Variants in SND1 observed in about 807,000 individuals in gnomAD.
SND1 encodes the protein staphylococcal nuclease and tudor domain containing 1, also known as staphylococcal nuclease domain-containing protein 1.
A neutral mutation model predicts 121.7 loss-of-function variants in SND1; 38 were observed. The ratio of observed to expected loss-of-function variants is 0.31; its 90% CI spans 0.24 to 0.41. The LOEUF (loss-of-function observed/expected upper bound fraction) is 0.41, where lower values mean the gene tolerates loss of function less well. Ranked by LOEUF, SND1 falls within the 10% of genes least tolerant of loss-of-function variation. The probability of loss-of-function intolerance (pLI) is 1.00; values close to 1 mark genes in which losing one functional copy is unlikely to be tolerated. For synonymous variants in SND1, 401 were observed against 447.4 expected (o/e 0.90, Z 1.31); for missense variants, 868 against 1,184.6 (o/e 0.73, Z 3.92).
chr7:128,007,495 T>C (rs1400927873), intron 16 of SND1, among the ~76,000 whole-genome samples: 2 of 152,206 alleles, frequency 1.3e-5, no homozygotes, highest in Non-Finnish European at 2.9e-5. Context: ...CAAATAGTCC[T>C]GCTCCACTGG....
At chr7:127,860,446 C>A (rs1006328064) in intron 12 of SND1, among the ~76,000 whole-genome samples, 1 of 152,196 alleles carries the variant, frequency 6.6e-6, no homozygotes, top group Non-Finnish European at 1.5e-5. Flanking sequence ...TTAATGTAAT[C>A]AGACTTTACC....
intron 1 of SND1, among the ~76,000 whole-genome samples, chr7:127,680,931 C>T (rs1272959954): frequency 6.6e-6 from 1 of 152,010 alleles, no homozygotes; most frequent in African/African-American, 2.4e-5. Flanking sequence ...AATTTGGGAA[C>T]TAATAAATGT....
At chr7:128,009,741 C>T (rs76143034) in intron 16 of SND1, among the ~76,000 whole-genome samples, 2,923 of 152,180 alleles carry the variant, frequency 0.019, 53 homozygotes, top group Non-Finnish European at 0.028. Context: ...TCTGCACCTT[C>T]CCCCATGCCA....
chr7:128,030,691 G>T, intron 16 of SND1: 1 of 1,524,030 alleles, frequency 6.6e-7, no homozygotes, highest in South Asian at 1.3e-5. Context: ...GCTCGGAAAG[G>T]AGAACCAGCC....
Position 128,092,531 on chromosome 7 carries a change from C to G in SND1, c.*473C>G. The stretch of plus-strand genomic sequence containing the variant: ...ATGCCAGTGTGTTCACATCTTCGCT[C>G]TGGCCAGCCCATTCTGTATTTAAAG... On this transcript the variant is annotated 3_prime_UTR_variant, in exon 24 of 24. Coordinates refer to ENST00000354725, the MANE Select transcript of SND1 (RefSeq NM_014390.4). The surrounding 1 kb of genome is among the most constrained non-coding windows in gnomAD (Gnocchi z 4.9). 5.9e-6 allele frequency: 1 copy of G among 170,124 alleles called. No homozygotes were observed. The highest frequency in any genetic ancestry group is 1.3e-5 in the Non-Finnish European group (1 of 77,796). 10.5% of individuals were successfully genotyped at this position (170,124 alleles called of 1,614,324 possible). A position where few individuals can be genotyped will look rare whatever the true frequency, so the allele number is the denominator to read the frequency against.
intron 15 of SND1, among the ~76,000 whole-genome samples, chr7:127,952,617 G>A (rs1163198933): frequency 1.3e-5 from 2 of 152,140 alleles, no homozygotes; most frequent in Admixed American, 6.5e-5. Flanking sequence ...AGCTGTGTTC[G>A]ATTTTATGGC....
chr7:127,669,046 G>T (rs538176439), intron 1 of SND1, among the ~76,000 whole-genome samples: 1 of 152,098 alleles, frequency 6.6e-6, no homozygotes, highest in Non-Finnish European at 1.5e-5. Flanking sequence ...AGGCTGGAGT[G>T]CAGTGGCTTA....
chr7:127,962,428 A>AAG (rs1466565882), intron 15 of SND1, among the ~76,000 whole-genome samples: 1 of 152,188 alleles, frequency 6.6e-6, no homozygotes, highest in African/African-American at 2.4e-5. Context: ...TCTTTGGCAA[A>AAG]ATGTGTTATC....
At chr7:127,810,385 C>T (rs1316541115) in intron 11 of SND1, among the ~76,000 whole-genome samples, 3 of 152,110 alleles carry the variant, frequency 2.0e-5, no homozygotes, top group Non-Finnish European at 4.4e-5. Flanking sequence ...GAAACTCCCT[C>T]AATTGCCATA....
intron 7 of SND1, among the ~76,000 whole-genome samples, chr7:127,703,738 T>C (rs552466939): frequency 6.6e-6 from 1 of 152,304 alleles, no homozygotes; most frequent in Admixed American, 6.5e-5. Context: ...AGGATTATTA[T>C]TAATATCTGC....
At chr7:128,064,220 A>AC (rs1368287475) in intron 16 of SND1, among the ~76,000 whole-genome samples, 2 of 152,052 alleles carry the variant, frequency 1.3e-5, no homozygotes, top group Non-Finnish European at 2.9e-5. Context: ...TTAAAAAAAA[A>AC]CCCACTCTAG....
intron 12 of SND1, among the ~76,000 whole-genome samples, chr7:127,885,039 C>A (rs1276820094): frequency 6.6e-6 from 1 of 152,030 alleles, no homozygotes; most frequent in African/African-American, 2.4e-5. Flanking sequence ...ATGTTTGCAC[C>A]CAGGTTGAAC....
chr7:128,003,741 C>G (rs952743930), intron 16 of SND1, among the ~76,000 whole-genome samples: 1 of 152,236 alleles, frequency 6.6e-6, no homozygotes, highest in East Asian at 1.9e-4. Flanking sequence ...CCACCTGCCA[C>G]TTGGTAATTT....
intron 1 of SND1, among the ~76,000 whole-genome samples, chr7:127,670,899 A>T (rs901738544): frequency 2.0e-5 from 3 of 152,002 alleles, no homozygotes; most frequent in South Asian, 4.1e-4. Flanking sequence ...AAAACCCAAG[A>T]TCTTTTTTGG....
chr7:127,812,193 C>T (rs1798346527), intron 11 of SND1, among the ~76,000 whole-genome samples: 1 of 152,176 alleles, frequency 6.6e-6, no homozygotes, highest in Non-Finnish European at 1.5e-5. Flanking sequence ...CAGATATAGA[C>T]AGGGTCGTGG....
chr7:128,027,159 C>G (rs1314167004), intron 16 of SND1: 1 of 152,528 alleles, frequency 6.6e-6, no homozygotes, highest in Non-Finnish European at 1.5e-5. Context: ...TCCCCTCCCC[C>G]ACCCATACCA....
intron 16 of SND1, among the ~76,000 whole-genome samples, chr7:128,007,271 G>A (rs1170890781): frequency 6.6e-6 from 1 of 152,162 alleles, no homozygotes. Flanking sequence ...GGCTGGGAGT[G>A]GCAAGAGGGA....
intron 15 of SND1, among the ~76,000 whole-genome samples, chr7:127,979,691 T>C (rs1802213303): frequency 6.6e-6 from 1 of 152,238 alleles, no homozygotes; most frequent in Non-Finnish European, 1.5e-5. Flanking sequence ...GAGCTGAACA[T>C]ACTGATATAT....
At chr7:127,836,804 A>G (rs1798875875) in intron 11 of SND1, among the ~76,000 whole-genome samples, 1 of 152,174 alleles carries the variant, frequency 6.6e-6, no homozygotes, top group Non-Finnish European at 1.5e-5. Flanking sequence ...ACTAAGGTAA[A>G]GAATTCTAGA....
Sources: gnomAD v4.1 joint callset for allele counts (sites outside exome capture counted in the v4.1 genomes callset) on GRCh38, gnomAD v4.1.1 for gene constraint, Gnocchi (gnomAD v3.1) non-coding constraint, MANE v1.5 for transcripts, NCBI Gene and HGNC (gene_info 2026-07-23, HGNC 2026-07-21) for gene names.